LRRC7: variants seen among roughly 807,000 people sequenced by gnomAD.
LRRC7 encodes the protein leucine rich repeat containing 7.
A neutral mutation model predicts 175.7 loss-of-function variants in LRRC7; 23 were observed. The ratio of observed to expected loss-of-function variants is 0.13; its 90% CI spans 0.09 to 0.19. The LOEUF (loss-of-function observed/expected upper bound fraction) is 0.19. Among genes scored for constraint, LRRC7 ranks in the 10% least tolerant of loss-of-function variants. LRRC7 has a pLI of 1.00. For missense variants in LRRC7, 1,354 were observed against 1,904.7 expected, an observed-to-expected ratio of 0.71 and a Z score of 5.38; for synonymous variants, 685 against 680.9, an observed-to-expected ratio of 1.01 and a Z score of -0.09.
At chr1:70,079,996 G>T (rs1229665971) in intron 24 of LRRC7, among the ~76,000 whole-genome samples, 2 of 152,180 alleles carry the variant, frequency 1.3e-5, no homozygotes, top group African/African-American at 2.4e-5. Context: ...GGAATTTTAA[G>T]TCAGGTTTTT....
rs1183530355 is a variant in LRRC7, at chr1:69,600,892, A to G, written c.2+32251A>G. 1.7e-4 allele frequency among the ~76,000 whole-genome samples: 22 copies of G among 132,052 alleles called. No homozygotes were observed. The Admixed American group carries it at 2.0e-3, about 12-fold the overall frequency. The allele number at this position is 132,052 out of a possible 152,430, so 86.6% of individuals were successfully genotyped here. On this transcript the variant is annotated intron_variant, in intron 1 of 26. Coordinates refer to ENST00000651989, the MANE Select transcript of LRRC7 (RefSeq NM_001370785.2). ...AATCGCACGCTCTCGGCTCACTCCAACCTCTGCCTCCCGGGTTCAAGCTAT... is the reference window on the plus strand; with the variant it reads ...AATCGCACGCTCTCGGCTCACTCCAGCCTCTGCCTCCCGGGTTCAAGCTAT...
chr1:69,574,332 T>C (rs1645859434), intron 1 of LRRC7, among the ~76,000 whole-genome samples: 2 of 151,850 alleles, frequency 1.3e-5, no homozygotes, highest in Admixed American at 1.3e-4. Flanking sequence ...CAGAGGAAAA[T>C]ATGGGACAAA....
At chr1:69,665,320 G>T (rs937481577) in intron 1 of LRRC7, among the ~76,000 whole-genome samples, 1 of 151,948 alleles carries the variant, frequency 6.6e-6, no homozygotes, top group Non-Finnish European at 1.5e-5. Context: ...TTTTAAAATT[G>T]TTTTTTCTAT....
At chr1:69,833,510 G>A (rs566294055) in intron 5 of LRRC7, among the ~76,000 whole-genome samples, 7 of 151,920 alleles carry the variant, frequency 4.6e-5, no homozygotes, top group South Asian at 2.1e-4. Context: ...GTATATGTAC[G>A]TACACACACA....
At chr1:69,717,952 GA>G (rs1557642266) in intron 2 of LRRC7, among the ~76,000 whole-genome samples, 1,960 of 68,944 alleles carry the variant, frequency 0.028, 371 homozygotes, top group African/African-American at 0.14. Context: ...AAGAAAGAAA[GA>G]AAGAAGAAAA....
At chr1:69,751,932 A>G (rs142307162) in intron 2 of LRRC7, among the ~76,000 whole-genome samples, 198 of 152,272 alleles carry the variant, frequency 1.3e-3, no homozygotes, top group African/African-American at 4.5e-3. Flanking sequence ...TTGTCCCAAG[A>G]ACAGTCCATT....
rs538962390 is a variant in LRRC7, at chr1:69,739,416, C to A, written c.101-20775C>A. Among the ~76,000 whole-genome samples, 3 of 152,190 alleles carry A rather than the reference C, an allele frequency of 2.0e-5. No homozygotes were observed. The South Asian group carries it at 6.2e-4, about 32-fold the overall frequency. ...GCCCAGGAATGTAGAAGAAGAAATT[C>A]TTTCTACCCACCAAGGATAAGAACA... On this transcript the variant is annotated intron_variant, in intron 2 of 26. Transcript: ENST00000651989.
At chr1:69,577,970 C>A (rs1442555166) in intron 1 of LRRC7, among the ~76,000 whole-genome samples, 6 of 152,090 alleles carry the variant, frequency 3.9e-5, no homozygotes, top group Admixed American at 1.3e-4. Context: ...TTACCTTGGG[C>A]ATTATGGCCA....
intron 7 of LRRC7, among the ~76,000 whole-genome samples, chr1:69,924,185 A>T (rs1299814377): frequency 6.6e-6 from 1 of 152,096 alleles, no homozygotes; most frequent in East Asian, 1.9e-4. Context: ...TACCAGTACC[A>T]TGCTGTTTTG....
chr1:69,976,848 G>A (rs556654752), intron 8 of LRRC7, among the ~76,000 whole-genome samples: 2 of 142,670 alleles, frequency 1.4e-5, no homozygotes, highest in South Asian at 2.4e-4. Context: ...GCTCATTCAC[G>A]TGAGTTTCTA....
chr1:69,763,195 C>T (rs980440520), intron 3 of LRRC7, among the ~76,000 whole-genome samples: 5 of 151,988 alleles, frequency 3.3e-5, no homozygotes, highest in African/African-American at 1.2e-4. Flanking sequence ...GATTGGCTCT[C>T]GTAAGTGGTA....
chr1:69,705,484 G>A (rs1427033586), intron 2 of LRRC7, among the ~76,000 whole-genome samples: 1 of 152,126 alleles, frequency 6.6e-6, no homozygotes, highest in African/African-American at 2.4e-5. Flanking sequence ...TTTTCTTTGA[G>A]AGTCACAGAC....
chr1:70,062,391 A>G (rs971227027), intron 23 of LRRC7, among the ~76,000 whole-genome samples: 11 of 151,926 alleles, frequency 7.2e-5, no homozygotes, highest in African/African-American at 2.7e-4. Flanking sequence ...AATTCCATAT[A>G]CTCTTTTAAA....
chr1:69,675,658 A>C (rs1442183124), intron 1 of LRRC7, among the ~76,000 whole-genome samples: 1 of 152,158 alleles, frequency 6.6e-6, no homozygotes, highest in African/African-American at 2.4e-5. Context: ...ATTTGCCGAA[A>C]CACATAATCA....
At position 70,125,935 on chromosome 1, in the gene LRRC7, T is replaced by G. The variant is rs1373877414; in HGVS notation, c.*4048T>G. Among the ~76,000 whole-genome samples the G allele has an allele frequency of 6.6e-6, 1 of 151,704 alleles. No individual in the cohort carries two copies. The highest frequency in any genetic ancestry group is 1.5e-5 in the Non-Finnish European group (1 of 67,956). ...AGAAACCAAAAAAACCATTTTATTTTTAATCATAAAATCTATTTAATATAT... is the reference window on the plus strand; with the variant it reads ...AGAAACCAAAAAAACCATTTTATTTGTAATCATAAAATCTATTTAATATAT... On this transcript the variant is annotated 3_prime_UTR_variant, in exon 27 of 27. Coordinates refer to ENST00000651989, the MANE Select transcript of LRRC7 (RefSeq NM_001370785.2).
At chr1:69,949,723 A>G (rs1184547944) in intron 8 of LRRC7, among the ~76,000 whole-genome samples, 1 of 152,196 alleles carries the variant, frequency 6.6e-6, no homozygotes, top group Non-Finnish European at 1.5e-5. Context: ...ATATACTTGC[A>G]AAGAATGGAT....
At chr1:69,658,326 G>A (rs757447292) in intron 1 of LRRC7, among the ~76,000 whole-genome samples, 2 of 151,444 alleles carry the variant, frequency 1.3e-5, no homozygotes, top group Non-Finnish European at 3.0e-5. Flanking sequence ...TTTTAAAATG[G>A]GATCTCCATT....
At chr1:69,829,465 A>T (rs1680293075) in intron 5 of LRRC7, among the ~76,000 whole-genome samples, 1 of 151,830 alleles carries the variant, frequency 6.6e-6, no homozygotes, top group South Asian at 2.1e-4. Flanking sequence ...TCTTTACACT[A>T]GGGACATTCT....
intron 7 of LRRC7, among the ~76,000 whole-genome samples, chr1:69,868,971 A>C (rs190704793): frequency 6.6e-6 from 1 of 151,666 alleles, no homozygotes; most frequent in East Asian, 1.9e-4. Context: ...GATATCACTC[A>C]TATTGGATTA....
Sources: gnomAD v4.1 joint callset for allele counts (sites outside exome capture counted in the v4.1 genomes callset) on GRCh38, gnomAD v4.1.1 for gene constraint, MANE v1.5 for transcripts, NCBI Gene and HGNC (gene_info 2026-07-23, HGNC 2026-07-21) for gene names.